SEMA4F: variants seen among roughly 807,000 people sequenced by gnomAD.
The protein encoded by SEMA4F is semaphorin-4F.
A neutral mutation model predicts 78.4 loss-of-function variants in SEMA4F; 51 were observed. That is an observed-to-expected ratio of 0.65 (90% CI 0.52 to 0.82). The LOEUF (loss-of-function observed/expected upper bound fraction) is 0.82. Ranked by LOEUF, SEMA4F falls within the 40% of genes least tolerant of loss-of-function variation. The pLI, the probability that SEMA4F is intolerant of heterozygous loss-of-function variation, is 0.00. For missense variants in SEMA4F, 938 were observed against 1,014.4 expected, an observed-to-expected ratio of 0.92 and a Z score of 1.02; for synonymous variants, 418 against 408.7, an observed-to-expected ratio of 1.02 and a Z score of -0.27.
In SEMA4F at chr2:74,675,751, C is replaced by G; in HGVS notation, c.1485C>G (p.Ser495Arg). ...CCTTCCCCACTCCGTTTTTATAGAG[C>G]TGGCTCCTGGTTGGCTCCCGTACTG... ...QPVENMKLYH[S>R]WLLVGSRTEV... The change falls in exon 12 of 14, where the codon AGC becomes AGG. Residue 495 changes from serine (S) to arginine (R), a missense_variant and splice_region_variant. Transcript: ENST00000357877. 2 of 1,613,936 alleles carry G rather than the reference C, an allele frequency of 1.2e-6. No individual in the cohort carries two copies. Among genetic ancestry groups the G allele is most frequent in the Non-Finnish European group, 1.7e-6 (2 of 1,179,876 alleles).
At chr2:74,670,757 T>A (rs1276052817) in intron 5 of SEMA4F, among the ~76,000 whole-genome samples, 3 of 152,220 alleles carry the variant, frequency 2.0e-5, no homozygotes, top group African/African-American at 7.2e-5. Context: ...CTGTGTCAAC[T>A]TTTCCCCCCT....
At chr2:74,664,969 A>G (rs974612967) in intron 5 of SEMA4F, among the ~76,000 whole-genome samples, 1 of 152,114 alleles carries the variant, frequency 6.6e-6, no homozygotes, top group Non-Finnish European at 1.5e-5. Flanking sequence ...GATGAATCGC[A>G]TGAGGGGGGA....
chr2:74,702,803 A>G, the SEMA4F span, among the ~76,000 whole-genome samples: 2 of 152,234 alleles, frequency 1.3e-5, no homozygotes, highest in Admixed American at 6.5e-5. Flanking sequence ...GTAATGCTTT[A>G]TCTTAGGATA....
the SEMA4F span, among the ~76,000 whole-genome samples, chr2:74,691,287 A>C: frequency 3.9e-5 from 6 of 152,228 alleles, no homozygotes; most frequent in Non-Finnish European, 8.8e-5. Flanking sequence ...AGAACTGACC[A>C]TGCTGCTCAC....
At chr2:74,688,050 A>G (rs2105050494), downstream of SEMA4F, among the ~76,000 whole-genome samples, 1 of 152,304 alleles carries the variant, frequency 6.6e-6, no homozygotes, top group East Asian at 1.9e-4. Context: ...ATCAAACTCA[A>G]TCTCAGAAAG....
chr2:74,669,537 A>G (rs1257808276), intron 5 of SEMA4F, among the ~76,000 whole-genome samples: 1 of 151,540 alleles, frequency 6.6e-6, no homozygotes, highest in Non-Finnish European at 1.5e-5. Context: ...GTGAGCCGAG[A>G]TAGCGCCACT....
chr2:74,675,675 G>C, intron 11 of SEMA4F, 41 bp downstream of exon 11: 1 of 1,612,990 alleles, frequency 6.2e-7, no homozygotes, highest in Non-Finnish European at 8.5e-7. Context: ...GGAGACATCT[G>C]AGTCCAGAGC....
chr2:74,697,913 A>G, the SEMA4F span, among the ~76,000 whole-genome samples: 1 of 152,020 alleles, frequency 6.6e-6, no homozygotes, highest in Non-Finnish European at 1.5e-5. Flanking sequence ...TGCATCTCAA[A>G]AAGCCCTGTG....
downstream of SEMA4F, among the ~76,000 whole-genome samples, chr2:74,685,471 C>G (rs538712280): frequency 7.9e-5 from 12 of 152,104 alleles, no homozygotes; most frequent in African/African-American, 2.9e-4. Flanking sequence ...TGCCATCTTT[C>G]CTTCACCTTC....
the SEMA4F span, among the ~76,000 whole-genome samples, chr2:74,702,659 C>T: frequency 2.0e-5 from 3 of 151,720 alleles, no homozygotes; most frequent in Admixed American, 1.3e-4. Context: ...GTCCATGCCA[C>T]TTACTGCTTG....
At chr2:74,689,423 A>G in the SEMA4F span, among the ~76,000 whole-genome samples, 1 of 152,156 alleles carries the variant, frequency 6.6e-6, no homozygotes, top group African/African-American at 2.4e-5. Flanking sequence ...ATTAGTACAC[A>G]CTCTATGGAG....
Position 74,680,373 on chromosome 2 carries a change from C to T in SEMA4F, c.*164C>T. 1.3e-6 allele frequency: 1 copy of T among 780,274 alleles called. No homozygotes were observed. The highest frequency in any genetic ancestry group is 1.9e-6 in the Non-Finnish European group (1 of 517,786). The allele number at this position is 780,274 out of a possible 1,614,324, so 48.3% of individuals were successfully genotyped here. A position where few individuals can be genotyped will look rare whatever the true frequency, so the allele number is the denominator to read the frequency against. ...TCTGTTCTCTCTGAGCCTGGATGGG[C>T]TTGGGGCCAGACCTTTGCCTGATTC... On this transcript the variant is annotated 3_prime_UTR_variant, in exon 14 of 14. Coordinates refer to ENST00000357877, the MANE Select transcript of SEMA4F (RefSeq NM_004263.5).
chr2:74,684,048 C>G (rs1464700887), downstream of SEMA4F, among the ~76,000 whole-genome samples: 1 of 151,806 alleles, frequency 6.6e-6, no homozygotes, highest in Admixed American at 6.6e-5. Flanking sequence ...GGAGTCATCC[C>G]CCTAATGCAA....
At chr2:74,695,187 C>G in the SEMA4F span, among the ~76,000 whole-genome samples, 4 of 152,166 alleles carry the variant, frequency 2.6e-5, no homozygotes, top group Non-Finnish European at 4.4e-5. Context: ...ACACTGTCCA[C>G]AACAGCATCA....
At chr2:74,674,858 A>G (rs749789565) in intron 8 of SEMA4F, 30 bp from the exon 9 acceptor site, 8 of 1,611,072 alleles carry the variant, frequency 5.0e-6, no homozygotes, top group Admixed American at 3.3e-5. Context: ...AGACCCCTCC[A>G]TATATCCAGC....
the SEMA4F span, among the ~76,000 whole-genome samples, chr2:74,702,545 A>T: frequency 6.6e-6 from 1 of 152,046 alleles, no homozygotes; most frequent in Non-Finnish European, 1.5e-5. Flanking sequence ...GGCTGATCTC[A>T]TCTAATTAGG....
At position 74,658,021 on chromosome 2, in the gene SEMA4F, G is replaced by T; in HGVS notation, c.456+70G>T. On this transcript the variant is annotated intron_variant, in intron 4 of 13. Transcript: ENST00000357877. The surrounding 1 kb of genome is among the most constrained non-coding windows in gnomAD (Gnocchi z 4.3). ...TGTGAGTTACTTGGGGTGGTGGTGG[G>T]AGGATGGGAAGGGTTTTCTGTGAGC... 7.0e-7 allele frequency: 1 copy of T among 1,424,538 alleles called. No homozygotes were observed. The allele number at this position is 1,424,538 out of a possible 1,614,324, so 88.2% of individuals were successfully genotyped here. A position where few individuals can be genotyped will look rare whatever the true frequency, so the allele number is the denominator to read the frequency against.
the SEMA4F span, among the ~76,000 whole-genome samples, chr2:74,702,225 T>G: frequency 6.6e-6 from 1 of 152,156 alleles, no homozygotes; most frequent in Non-Finnish European, 1.5e-5. Flanking sequence ...AACTTCAGAC[T>G]ATTGACAACT....
intron 2 of SEMA4F, 120 bp downstream of exon 2, chr2:74,656,805 G>A: frequency 8.7e-7 from 1 of 1,143,516 alleles, no homozygotes; most frequent in Non-Finnish European, 1.2e-6. Context: ...GGTAGTAGGA[G>A]GGGGTGAGTT....
Sources: allele counts gnomAD v4.1 joint callset (sites outside exome capture counted in the v4.1 genomes callset), GRCh38; gene constraint gnomAD v4.1.1; non-coding constraint Gnocchi (gnomAD v3.1); transcripts MANE v1.5; gene names NCBI Gene and HGNC (gene_info 2026-07-23, HGNC 2026-07-21).